The following SYNE2 variants were observed in gnomAD, a reference collection of about 807,000 sequenced individuals.
SYNE2 encodes spectrin repeat containing nuclear envelope protein 2.
In SYNE2, 431 loss-of-function variants were observed where a neutral mutation model predicts 856.3. That is an observed-to-expected ratio of 0.50 (90% CI 0.47 to 0.55). SYNE2 has a LOEUF of 0.55. Among genes scored for constraint, SYNE2 ranks in the 20% least tolerant of loss-of-function variants. The probability of loss-of-function intolerance (pLI) is 0.00; values close to 1 mark genes in which losing one functional copy is unlikely to be tolerated. For missense variants in SYNE2, 8,129 were observed against 8,023.2 expected (o/e 1.01, Z -0.50); for synonymous variants, 2,923 against 2,872.3 (o/e 1.02, Z -0.56).
Position 63,944,517 on chromosome 14 carries a change from C to CTTTTCT in SYNE2, c.408+2378_408+2379insCTTTTT, listed in dbSNP as rs1318095715. On this transcript the variant is annotated intron_variant, in intron 6 of 115. Transcript: ENST00000555002. ...TAGGGTTTGCAAACTTAAAGCCTTTCTTTTTTTTTTTTTTTTTTTTTTTTG... is the reference window on the plus strand; with the variant it reads ...TAGGGTTTGCAAACTTAAAGCCTTTCTTTTCTTTTTTTTTTTTTTTTTTTTTTTTTG... Among the ~76,000 whole-genome samples, 10 of 90,134 alleles carry CTTTTCT rather than the reference C, an allele frequency of 1.1e-4. No individual in the cohort carries two copies. The East Asian group carries it at 3.2e-3, about 29-fold the overall frequency. The allele number at this position is 90,134 out of a possible 152,430, so 59.1% of individuals were successfully genotyped here.
At chr14:64,173,843 T>C (rs1312707528) in intron 94 of SYNE2, 7 of 622,310 alleles carry the variant, frequency 1.1e-5, no homozygotes, top group Non-Finnish European at 2.0e-5. Context: ...TGGATCAATT[T>C]TAAAGTTTTT....
At chr14:64,126,269 T>C in intron 71 of SYNE2, 58 bp from the exon 72 acceptor site, 2 of 1,484,120 alleles carry the variant, frequency 1.3e-6, no homozygotes, top group Non-Finnish European at 1.9e-6. Flanking sequence ...AGGCAAAATA[T>C]AGGTCTAGGA....
At chr14:63,941,573 CTTAA>C in intron 3 of SYNE2, 118 bp from the exon 4 acceptor site, 2 of 791,710 alleles carry the variant, frequency 2.5e-6, no homozygotes, top group Middle Eastern at 2.5e-4. Context: ...CTCTCATTCT[CTTAA>C]TTAAGAAGAA....
At chr14:64,051,433 A>G in intron 47 of SYNE2, 124 bp from the exon 48 acceptor site, 1 of 919,386 alleles carries the variant, frequency 1.1e-6, no homozygotes. Flanking sequence ...GATTATTTTT[A>G]CAGACAGCCT....
chr14:64,028,451 C>T (rs1042695233), intron 43 of SYNE2, among the ~76,000 whole-genome samples: 46 of 151,798 alleles, frequency 3.0e-4, no homozygotes, highest in African/African-American at 1.1e-3. Flanking sequence ...AATAAGGTCT[C>T]GCTTTGTTGC....
intron 59 of SYNE2, 81 bp from the exon 60 acceptor site, chr14:64,090,785 G>C: frequency 7.9e-7 from 1 of 1,265,190 alleles, no homozygotes; most frequent in Non-Finnish European, 1.1e-6. Flanking sequence ...AAACTATACT[G>C]TATTTTAATT....
intron 6 of SYNE2, among the ~76,000 whole-genome samples, chr14:63,948,730 A>ATATATATGTATATATATATG (rs1566883104): frequency 1.2e-4 from 11 of 88,890 alleles, no homozygotes; most frequent in African/African-American, 3.1e-4. Flanking sequence ...GTGTATATAT[A>ATATATATGTATATATATATG]TGTGTATAGA....
At chr14:63,957,683 C>T (rs767854075) in intron 8 of SYNE2, among the ~76,000 whole-genome samples, 5 of 152,148 alleles carry the variant, frequency 3.3e-5, no homozygotes, top group African/African-American at 4.8e-5. Context: ...GCCTGGCCAA[C>T]ATGGTGAAAC....
Position 63,794,855 on chromosome 14 carries a change from T to C in SYNE2, c.-305+32869T>C, listed in dbSNP as rs1887860909. On this transcript the variant is annotated intron_variant, in intron 1 of 23. Transcript: ENST00000674003. Reference sequence around the variant, plus strand: ...TTTGGAAAACAATTTGGCAGTTACTTAAAAAGTTAAACGTAAGTTTATCAT... The same window carrying C: ...TTTGGAAAACAATTTGGCAGTTACTCAAAAAGTTAAACGTAAGTTTATCAT... Among the ~76,000 whole-genome samples the C allele has an allele frequency of 2.0e-5, 3 of 152,206 alleles. No homozygotes were observed. The South Asian group carries it at 6.2e-4, about 31-fold the overall frequency.
intron 65 of SYNE2, chr14:64,112,933 T>C (rs1595601365): frequency 5.5e-6 from 5 of 914,656 alleles, no homozygotes; most frequent in Non-Finnish European, 6.5e-6. Context: ...TTGTTTTGTT[T>C]TTCTGTTGGA....
rs2096764961 is a variant in SYNE2 at position 64,002,724 on chromosome 14, TC to T, written c.3793del (p.Gln1265LysfsTer4). 6.2e-7 allele frequency: 1 copy of T among 1,611,774 alleles called. No homozygotes were observed. Among genetic ancestry groups the T allele is most frequent in the African/African-American group, 1.3e-5 (1 of 74,752 alleles). On this transcript the variant is annotated frameshift_variant, in exon 30 of 116. Coordinates refer to ENST00000555002, the MANE Select transcript of SYNE2 (RefSeq NM_182914.3). LOFTEE classifies it high-confidence loss of function. ...ADRIYQHLRNIQDSIAKQIEI... is the reference protein window; with the variant it reads ...ADRIYQHLRNXQDSIAKQIEI... The stretch of plus-strand genomic sequence containing the variant: ...CTTTTCTTATCTTTATTTTAGAATA[TC>T]CAAGATTCCATAGCAAAACAGATTG...
intron 86 of SYNE2, among the ~76,000 whole-genome samples, chr14:64,159,021 C>A (rs2098308053): frequency 6.6e-6 from 1 of 151,834 alleles, no homozygotes; most frequent in South Asian, 2.1e-4. Context: ...GTTGAATCTT[C>A]CTTTATTTTC....
intron 1 of SYNE2, among the ~76,000 whole-genome samples, chr14:63,872,554 G>A (rs1333655073): frequency 2.6e-5 from 4 of 151,968 alleles, no homozygotes; most frequent in Non-Finnish European, 4.4e-5. Flanking sequence ...TCAGGAGTTT[G>A]AGACCAGCCT....
intron 88 of SYNE2, chr14:64,162,631 T>C: frequency 2.9e-6 from 1 of 341,748 alleles, no homozygotes; most frequent in Non-Finnish European, 5.7e-6. Context: ...ATCTCTTGTT[T>C]TAGCAGTAAT....
intron 95 of SYNE2, among the ~76,000 whole-genome samples, chr14:64,176,779 T>TTTTATTTA (rs370375972): frequency 6.8e-4 from 103 of 150,370 alleles, no homozygotes; most frequent in African/African-American, 1.1e-3. Flanking sequence ...ACTTTTTTAT[T>TTTTATTTA]TTTATTTATT....
At chr14:63,828,428 TGAG>T (rs1889545044) in intron 1 of SYNE2, among the ~76,000 whole-genome samples, 1 of 150,908 alleles carries the variant, frequency 6.6e-6, no homozygotes, top group Non-Finnish European at 1.5e-5. Context: ...TCACCTGAGG[TGAG>T]GAGTTCAAGA....
chr14:64,210,818 T>TTTCTTTTCTTC (rs2098636789), intron 103 of SYNE2, among the ~76,000 whole-genome samples: 1 of 152,114 alleles, frequency 6.6e-6, no homozygotes, highest in Admixed American at 6.5e-5. Context: ...ATCTGGGCTT[T>TTTCTTTTCTTC]CTTTCTTTTC....
intron 43 of SYNE2, among the ~76,000 whole-genome samples, chr14:64,028,893 G>A (rs1026285456): frequency 3.3e-5 from 5 of 152,100 alleles, no homozygotes; most frequent in South Asian, 2.1e-4. Context: ...ATCCCAGCAC[G>A]TTGGGAGGCT....
Position 64,089,637 on chromosome 14 carries a change from A to T in SYNE2, c.11734A>T (p.Ile3912Phe). 1 of 1,604,204 alleles carries T rather than the reference A, an allele frequency of 6.2e-7. No homozygotes were observed. The highest frequency in any genetic ancestry group is 1.1e-5 in the South Asian group (1 of 90,788). Residue 3912 changes from isoleucine to phenylalanine, a missense_variant, in exon 59 of 116, where the codon ATC becomes TTC. Coordinates refer to ENST00000555002, the MANE Select transcript of SYNE2 (RefSeq NM_182914.3). Reference sequence around the variant, plus strand: ...AAAAAGAGTTTCAAAAATCAAAACTATCCTATTATCAAAAGAAATATTTGA... The same window carrying T: ...AAAAAGAGTTTCAAAAATCAAAACTTTCCTATTATCAAAAGAAATATTTGA... ...MEKRVSKIKT[I>F]LLSKEIFDFS...
Sources: allele counts gnomAD v4.1 joint callset (sites outside exome capture counted in the v4.1 genomes callset), GRCh38; gene constraint gnomAD v4.1.1; transcripts MANE v1.5; gene names NCBI Gene and HGNC (gene_info 2026-07-23, HGNC 2026-07-21).